CUX1: variants seen among roughly 807,000 people sequenced by gnomAD.
The protein encoded by CUX1 is protein CASP.
In CUX1, 31 loss-of-function variants were observed where a neutral mutation model predicts 158.8. That is an observed-to-expected ratio of 0.20 (90% CI 0.15 to 0.26). The LOEUF (loss-of-function observed/expected upper bound fraction) is 0.26. Among genes scored for constraint, CUX1 ranks in the 10% least tolerant of loss-of-function variants. CUX1 has a pLI of 1.00. For synonymous variants in CUX1, 879 were observed against 862.1 expected, an observed-to-expected ratio of 1.02 and a Z score of -0.34; for missense variants, 1,589 against 2,014.6, an observed-to-expected ratio of 0.79 and a Z score of 4.04.
chr7:101,962,274 T>C lies in CUX1; in HGVS notation c.141+46049T>C, dbSNP rs146254255. On this transcript the variant is annotated intron_variant, in intron 2 of 23. Transcript: ENST00000292535. ...ATCTTGCCTTAATCACCGTTTTCTC[T>C]CTGTCCGTGGAATCACAGAGCTAAC... Among the ~76,000 whole-genome samples the C allele has an allele frequency of 3.6e-3, 542 of 152,340 alleles. 12 individuals carry two copies. Among genetic ancestry groups the C allele is most frequent in the Admixed American group, 0.03 (455 of 15,296 alleles).
intron 2 of CUX1, among the ~76,000 whole-genome samples, chr7:102,014,969 G>A (rs1818423946): frequency 1.3e-5 from 2 of 151,904 alleles, no homozygotes; most frequent in Admixed American, 6.6e-5. Flanking sequence ...CCCTGCCTCC[G>A]TGTCCACCAT....
chr7:102,030,191 T>C (rs1820558253), intron 3 of CUX1, among the ~76,000 whole-genome samples: 1 of 152,148 alleles, frequency 6.6e-6, no homozygotes, highest in Admixed American at 6.5e-5. Flanking sequence ...TTTGTATTTT[T>C]AGTAGAGACG....
chr7:102,185,156 ACT>A (rs1272451656), intron 11 of CUX1, among the ~76,000 whole-genome samples: 1 of 151,908 alleles, frequency 6.6e-6, no homozygotes, highest in Non-Finnish European at 1.5e-5. Flanking sequence ...AGAACCAGAG[ACT>A]CTCTTCAGAT....
rs1185036830 is a variant in CUX1 at position 102,145,821 on chromosome 7, C to T, written c.675-12739C>T. Among the ~76,000 whole-genome samples the T allele has an allele frequency of 3.3e-5, 5 of 152,250 alleles. No individual in the cohort carries two copies. In the East Asian group the frequency reaches 9.6e-4, roughly 29 times the overall value. On this transcript the variant is annotated intron_variant, in intron 8 of 23. Coordinates refer to ENST00000292535, the MANE Select transcript of CUX1 (RefSeq NM_181552.4). Reference sequence around the variant, plus strand: ...AATTAGCTGGGCATGGTGGCAGGCTCCTGTAATCCCAGCTACTCATGAGAC... The same window carrying T: ...AATTAGCTGGGCATGGTGGCAGGCTTCTGTAATCCCAGCTACTCATGAGAC...
intron 3 of CUX1, among the ~76,000 whole-genome samples, chr7:102,046,629 T>G (rs1822852049): frequency 6.9e-6 from 1 of 145,222 alleles, no homozygotes; most frequent in Non-Finnish European, 1.5e-5. Flanking sequence ...CAGGCTGGAG[T>G]GCAGTTGCAC....
intron 2 of CUX1, among the ~76,000 whole-genome samples, chr7:101,982,678 C>T (rs554392504): frequency 6.6e-5 from 10 of 151,896 alleles, no homozygotes; most frequent in East Asian, 1.9e-4. Flanking sequence ...CTGCCTGCCT[C>T]GGCCTCTCAA....
Position 102,172,538 on chromosome 7 carries a change from T to C in CUX1, c.828+1988T>C, listed in dbSNP as rs533998037. ...GTGCTGAGATTACAAGCATGAGTCA[T>C]CATTCCCGGCCCTATTTTTTTATAT... On this transcript the variant is annotated intron_variant, in intron 10 of 23. Coordinates refer to ENST00000292535, the MANE Select transcript of CUX1 (RefSeq NM_181552.4). Among the ~76,000 whole-genome samples, 39 of 152,262 alleles carry C rather than the reference T, an allele frequency of 2.6e-4. 1 individual carries two copies. Among genetic ancestry groups the C allele is most frequent in the Admixed American group, 2.3e-3 (35 of 15,280 alleles).
At chr7:102,162,740 T>A (rs886627235) in intron 9 of CUX1, among the ~76,000 whole-genome samples, 9 of 152,172 alleles carry the variant, frequency 5.9e-5, no homozygotes, top group Non-Finnish European at 1.0e-4. Flanking sequence ...GCTCTTGAAC[T>A]CCTGGGCTCA....
rs997993906 is a variant in CUX1, at chr7:102,111,624, T to A, written c.531-74T>A. On this transcript the variant is annotated intron_variant, in intron 6 of 23. Transcript: ENST00000292535. Reference sequence around the variant, plus strand: ...GCTGAGCGCAGGGAGGGAGCTGAGCTCAGCCGAAAGGCACACGTGCATTTC... The same window carrying A: ...GCTGAGCGCAGGGAGGGAGCTGAGCACAGCCGAAAGGCACACGTGCATTTC... The A allele has an allele frequency of 1.1e-5, 15 of 1,396,872 alleles. No individual in the cohort carries two copies. In the Admixed American group the frequency reaches 1.9e-4, roughly 17 times the overall value. The allele number at this position is 1,396,872 out of a possible 1,614,324, so 86.5% of individuals were successfully genotyped here. A position where few individuals can be genotyped will look rare whatever the true frequency, so the allele number is the denominator to read the frequency against.
intron 3 of CUX1, among the ~76,000 whole-genome samples, chr7:102,035,965 G>A (rs147221956): frequency 7.9e-5 from 12 of 152,068 alleles, no homozygotes; most frequent in Non-Finnish European, 1.3e-4. Flanking sequence ...TCCACCTCCC[G>A]GATTCAAGGT....
chr7:102,254,833 C>T lies in CUX1; in HGVS notation c.*5791C>T, dbSNP rs922768703. 5.1e-6 allele frequency: 5 copies of T among 985,320 alleles called. No individual in the cohort carries two copies. The highest frequency in any genetic ancestry group is 1.2e-4 in the Admixed American group (2 of 16,260). The allele number at this position is 985,320 out of a possible 1,614,324, so 61.0% of individuals were successfully genotyped here. ...TGCCAGTCTGGCCGGCACACTCGAA[C>T]GCTAAGAGAATGGTCCAATTTGATG... is the stretch of plus-strand genomic sequence containing the variant. On this transcript the variant is annotated 3_prime_UTR_variant, in exon 24 of 24. Transcript: ENST00000292535.
rs531735436 is a variant in CUX1 at position 102,157,072 on chromosome 7, A to G, written c.675-1488A>G. 2.5e-3 allele frequency among the ~76,000 whole-genome samples: 381 copies of G among 152,298 alleles called. 1 individual carries two copies. Among genetic ancestry groups the G allele is most frequent in the African/African-American group, 8.5e-3 (352 of 41,566 alleles). ...CGCAGGTGGAGGCCTAGTGCCGAGG[A>G]AGGCCTGGCTCTTTGGGGTCCCGCA... is the stretch of plus-strand genomic sequence containing the variant. On this transcript the variant is annotated intron_variant, in intron 8 of 23. Transcript: ENST00000292535.
At position 102,250,193 on chromosome 7, in the gene CUX1, T is replaced by C; in HGVS notation, c.*1151T>C. ...ACAAGTTAGAACTGTAGCATGTACCTGTTAATTTTGTTTAATTTATGGTGT... is the reference window on the plus strand; with the variant it reads ...ACAAGTTAGAACTGTAGCATGTACCCGTTAATTTTGTTTAATTTATGGTGT... On this transcript the variant is annotated 3_prime_UTR_variant, in exon 24 of 24. Coordinates refer to ENST00000292535, the MANE Select transcript of CUX1 (RefSeq NM_181552.4). 1 of 985,472 alleles carries C rather than the reference T, an allele frequency of 1.0e-6. No homozygotes were observed. The highest frequency in any genetic ancestry group is 1.2e-6 in the Non-Finnish European group (1 of 829,934). 61.0% of individuals were successfully genotyped at this position (985,472 alleles called of 1,614,324 possible).
At chr7:101,944,928 T>A (rs1808195795) in intron 2 of CUX1, among the ~76,000 whole-genome samples, 2 of 152,216 alleles carry the variant, frequency 1.3e-5, no homozygotes, top group African/African-American at 4.8e-5. Flanking sequence ...TGAAGCAAGG[T>A]GTTGCAATTT....
rs3088355 is a variant in CUX1 at position 102,256,177 on chromosome 7, C to G, written c.*7135C>G. The G allele has an allele frequency of 4.1e-6, 4 of 985,378 alleles. No homozygotes were observed. Among genetic ancestry groups the G allele is most frequent in the Non-Finnish European group, 4.8e-6 (4 of 829,976 alleles). 61.0% of individuals were successfully genotyped at this position (985,378 alleles called of 1,614,324 possible). A position where few individuals can be genotyped will look rare whatever the true frequency, so the allele number is the denominator to read the frequency against. On this transcript the variant is annotated 3_prime_UTR_variant, in exon 24 of 24. Coordinates refer to ENST00000292535, the MANE Select transcript of CUX1 (RefSeq NM_181552.4). The stretch of plus-strand genomic sequence containing the variant: ...GGCAGGATAGGGAGTATCCGTGATT[C>G]AGAAGCTGAGACCCTTCCCCAGTGT...
At chr7:101,945,805 A>T (rs1808300184) in intron 2 of CUX1, among the ~76,000 whole-genome samples, 1 of 152,188 alleles carries the variant, frequency 6.6e-6, no homozygotes, top group Non-Finnish European at 1.5e-5. Context: ...GTGCTCAGGA[A>T]CGTGGTTCTG....
intron 3 of CUX1, among the ~76,000 whole-genome samples, chr7:102,038,331 A>G (rs1051609182): frequency 6.6e-6 from 1 of 152,172 alleles, no homozygotes; most frequent in African/African-American, 2.4e-5. Context: ...CCTGTAATTA[A>G]CAATGTTCAC....
At chr7:102,231,967 C>A (rs531250041) in intron 21 of CUX1, among the ~76,000 whole-genome samples, 1 of 151,720 alleles carries the variant, frequency 6.6e-6, no homozygotes, top group African/African-American at 2.4e-5. Flanking sequence ...CCCACCTTGG[C>A]CTTGCAAAGT....
intron 2 of CUX1, chr7:101,932,707 G>A (rs1453264456): frequency 2.4e-6 from 1 of 422,858 alleles, no homozygotes; most frequent in African/African-American, 2.0e-5. Flanking sequence ...ACCCACGAAA[G>A]GTATTTCATA....
Sources: allele counts gnomAD v4.1 joint callset (sites outside exome capture counted in the v4.1 genomes callset), GRCh38; gene constraint gnomAD v4.1.1; transcripts MANE v1.5; gene names NCBI Gene and HGNC (gene_info 2026-07-23, HGNC 2026-07-21).